The following ABCA9 variants were observed in gnomAD, a reference collection of about 807,000 sequenced individuals.
The protein encoded by ABCA9 is ATP binding cassette subfamily A member 9.
Under a neutral mutation model 205.3 loss-of-function variants are expected in ABCA9, and 183 were observed. The observed-to-expected ratio is 0.89, with a 90% confidence interval of 0.79 to 1.01. The LOEUF is 1.01. Ranked by LOEUF, ABCA9 falls within the 50% of genes least tolerant of loss-of-function variation. ABCA9 has a pLI of 0.00. For missense variants in ABCA9, 1,805 were observed against 1,912.4 expected, an observed-to-expected ratio of 0.94 and a Z score of 1.05; for synonymous variants, 651 against 683.3, an observed-to-expected ratio of 0.95 and a Z score of 0.74.
upstream of ABCA9, among the ~76,000 whole-genome samples, chr17:69,064,897 T>C (rs2072330514): frequency 1.3e-5 from 2 of 152,244 alleles, no homozygotes; most frequent in South Asian, 2.1e-4. Flanking sequence ...TCATTTTCTC[T>C]ATCTGTATTT....
At chr17:69,064,686 G>A (rs1598427652), upstream of ABCA9, among the ~76,000 whole-genome samples, 2 of 152,318 alleles carry the variant, frequency 1.3e-5, no homozygotes, top group African/African-American at 4.8e-5. Context: ...AGCTTGCAAT[G>A]AGGGATGACT....
In ABCA9 at chr17:69,032,208, C is replaced by G. The variant is rs777863279; in HGVS notation, c.1345G>C (p.Ala449Pro). ...KSCFWFQHGR[A>P]NHVVLENETD... ...TCATTCTCAAGGACCACATGATTAGCCCTTCCGTGTTGAAACCAAAAACAG... is the reference window on the plus strand; with the variant it reads ...TCATTCTCAAGGACCACATGATTAGGCCTTCCGTGTTGAAACCAAAAACAG... The change falls in exon 10 of 39, where the codon GCT (alanine) becomes CCT (proline). Residue 449 changes from alanine to proline, a missense_variant. Physicochemically the swap from Ala to Pro is conservative, Grantham distance 27 (BLOSUM62 -1). Transcript: ENST00000340001. 5 of 1,613,850 alleles carry G rather than the reference C, an allele frequency of 3.1e-6. No individual in the cohort carries two copies. In the East Asian group the frequency reaches 6.7e-5, roughly 22 times the overall value.
chr17:69,037,822 C>T (rs931178363), intron 6 of ABCA9, among the ~76,000 whole-genome samples: 2 of 151,310 alleles, frequency 1.3e-5, no homozygotes, highest in Admixed American at 1.3e-4. Flanking sequence ...GACTTCTAGT[C>T]AGACTAATAA....
intron 3 of ABCA9, among the ~76,000 whole-genome samples, chr17:69,048,738 G>C (rs527282428): frequency 6.6e-6 from 1 of 152,066 alleles, no homozygotes; most frequent in African/African-American, 2.4e-5. Flanking sequence ...CTTTCTGGTG[G>C]GTAATTATGA....
At chr17:69,052,024 C>A (rs774571198) in intron 1 of ABCA9, among the ~76,000 whole-genome samples, 1 of 152,058 alleles carries the variant, frequency 6.6e-6, no homozygotes, top group Non-Finnish European at 1.5e-5. Context: ...TTGTGTGCCA[C>A]GAACTTAAGA....
intron 2 of ABCA9, 143 bp from the exon 3 acceptor site, chr17:69,049,633 TTTTC>T (rs2071836991): frequency 1.4e-6 from 1 of 701,578 alleles, no homozygotes; most frequent in African/African-American, 1.8e-5. Flanking sequence ...AATATCCTGA[TTTTC>T]TTTGTCCATT....
intron 34 of ABCA9, 103 bp downstream of exon 34, chr17:68,984,782 C>T: frequency 6.8e-7 from 1 of 1,467,264 alleles, no homozygotes; most frequent in African/African-American, 1.4e-5. Flanking sequence ...TATTGCTTTT[C>T]CTGATACTGT....
intron 6 of ABCA9, among the ~76,000 whole-genome samples, chr17:69,036,781 T>G (rs1015174843): frequency 1.4e-5 from 2 of 148,040 alleles, no homozygotes; most frequent in East Asian, 4.0e-4. Flanking sequence ...CCCATTTGTG[T>G]GCCGTATTCA....
At chr17:69,022,294 G>C (rs2070838661) in intron 17 of ABCA9, 1 of 151,596 alleles carries the variant, frequency 6.6e-6, no homozygotes, top group Non-Finnish European at 1.5e-5. Flanking sequence ...ATTAAGTATA[G>C]ACTCTTTGAT....
chr17:68,998,563 A>C (rs1178194478), intron 25 of ABCA9, among the ~76,000 whole-genome samples: 2 of 152,036 alleles, frequency 1.3e-5, no homozygotes, highest in Non-Finnish European at 2.9e-5. Flanking sequence ...TAAATTTAAG[A>C]ATTTCTTCTA....
chr17:68,982,698 G>A, intron 36 of ABCA9, 57 bp from the exon 37 acceptor site: 1 of 1,375,124 alleles, frequency 7.3e-7, no homozygotes, highest in Non-Finnish European at 1.0e-6. Flanking sequence ...AACCCCGATG[G>A]GTACAAGTCT....
intron 6 of ABCA9, among the ~76,000 whole-genome samples, chr17:69,041,832 A>G (rs1365434375): frequency 6.6e-6 from 1 of 152,182 alleles, no homozygotes; most frequent in Non-Finnish European, 1.5e-5. Context: ...AAAAACTTTC[A>G]TCATAAACCA....
At chr17:68,992,883 A>G in intron 27 of ABCA9, 133 bp downstream of exon 27, 1 of 644,476 alleles carries the variant, frequency 1.6e-6, no homozygotes. Context: ...GCATGCATGC[A>G]TGTGCATGTG....
rs981770133 is a variant in ABCA9 at position 69,027,013 on chromosome 17, G to A, written c.2013C>T (p.Phe671=). 6.2e-7 allele frequency: 1 copy of A among 1,614,134 alleles called. No individual in the cohort carries two copies. The highest frequency in any genetic ancestry group is 2.2e-5 in the East Asian group (1 of 44,870). ...CAGCCTCATCTATAAACTGGGTGCT[G>A]AAGAGAATTACTCTGTCTGATTTCC... ...KEGKSDRVIL[F]STQFIDEADI... The change falls in exon 15 of 39, where the codon TTC becomes TTT. Residue 671 remains phenylalanine, a synonymous_variant. Coordinates refer to ENST00000340001, the MANE Select transcript of ABCA9 (RefSeq NM_080283.4).
In ABCA9 at chr17:69,060,868, T is replaced by A; in HGVS notation, c.-16A>T. Reference sequence around the variant, plus strand: ...CACAATTTTAGAGGTTAACTTACTCTCAGGAAAGCTGGAGGAAAAATCTAG... The same window carrying A: ...CACAATTTTAGAGGTTAACTTACTCACAGGAAAGCTGGAGGAAAAATCTAG... On this transcript the variant is annotated splice_region_variant and 5_prime_UTR_variant, in exon 1 of 39. It removes the in-frame stop codon of an upstream open reading frame in the 5' UTR. Transcript: ENST00000340001. 1 of 985,462 alleles carries A rather than the reference T, an allele frequency of 1.0e-6. No homozygotes were observed. Among genetic ancestry groups the A allele is most frequent in the Non-Finnish European group, 1.2e-6 (1 of 829,928 alleles). 61.0% of individuals were successfully genotyped at this position (985,462 alleles called of 1,614,324 possible).
chr17:68,991,551 A>G (rs946263518), intron 28 of ABCA9, among the ~76,000 whole-genome samples: 21 of 152,118 alleles, frequency 1.4e-4, no homozygotes, highest in Non-Finnish European at 1.8e-4. Context: ...ACGCTCTGAC[A>G]TTCTGGTTGC....
At chr17:69,052,143 G>A (rs1349212766) in intron 1 of ABCA9, among the ~76,000 whole-genome samples, 8 of 152,170 alleles carry the variant, frequency 5.3e-5, no homozygotes, top group African/African-American at 1.9e-4. Flanking sequence ...GGCTGAGGCA[G>A]GAGGATTGCT....
chr17:69,016,581 T>G (rs1185226265), intron 21 of ABCA9, among the ~76,000 whole-genome samples, 191 bp from the exon 22 acceptor site: 1 of 152,142 alleles, frequency 6.6e-6, no homozygotes, highest in African/African-American at 2.4e-5. Context: ...GTATTTTGGT[T>G]TCTACCCACC....
chr17:69,029,159 A>T lies in ABCA9; in HGVS notation c.1504+10T>A, dbSNP rs1431820433. On this transcript the variant is annotated intron_variant, in intron 11 of 38. Transcript: ENST00000340001. ...AAGCAGCCCCATTAAATAAAATATT[A>T]TTTTATTACCTTTCAAAGCTTCTAC... 19 of 1,505,474 alleles carry T rather than the reference A, an allele frequency of 1.3e-5. No individual in the cohort carries two copies. The highest frequency in any genetic ancestry group is 1.6e-5 in the Non-Finnish European group (18 of 1,103,104). 93.3% of individuals were successfully genotyped at this position (1,505,474 alleles called of 1,614,324 possible). A position where few individuals can be genotyped will look rare whatever the true frequency, so the allele number is the denominator to read the frequency against.
Sources: allele counts gnomAD v4.1 joint callset (sites outside exome capture counted in the v4.1 genomes callset), GRCh38; gene constraint gnomAD v4.1.1; transcripts MANE v1.5; gene names NCBI Gene and HGNC (gene_info 2026-07-23, HGNC 2026-07-21).